ELAVL4: variants seen among roughly 807,000 people sequenced by gnomAD.
ELAVL4 encodes the protein ELAV like RNA binding protein 4.
A neutral mutation model predicts 35.6 loss-of-function variants in ELAVL4; 1 was observed. The ratio of observed to expected loss-of-function variants is 0.03; its 90% CI spans 0.01 to 0.13. The LOEUF is 0.13. Ranked by LOEUF, ELAVL4 falls within the 10% of genes least tolerant of loss-of-function variation. The probability of loss-of-function intolerance (pLI) is 1.00; values close to 1 mark genes in which losing one functional copy is unlikely to be tolerated. For missense variants in ELAVL4, 267 were observed against 464.9 expected (o/e 0.57, Z 3.91); for synonymous variants, 156 against 171.0 (o/e 0.91, Z 0.69).
intron 1 of ELAVL4, chr1:50,144,385 A>G: frequency 3.9e-6 from 1 of 258,702 alleles, no homozygotes. Context: ...AAGACATTAG[A>G]TGACTTTGCA....
At chr1:50,164,393 A>G (rs570112265) in intron 2 of ELAVL4, among the ~76,000 whole-genome samples, 5 of 152,218 alleles carry the variant, frequency 3.3e-5, no homozygotes, top group Non-Finnish European at 7.3e-5. Context: ...TTATCCTTTT[A>G]TAAAGGCAAA....
intron 1 of ELAVL4, among the ~76,000 whole-genome samples, chr1:50,083,225 A>G (rs767275742): frequency 1.1e-4 from 16 of 151,748 alleles, no homozygotes; most frequent in Non-Finnish European, 2.1e-4. Flanking sequence ...CCTGACTAAT[A>G]TTTTTTATTT....
chr1:50,161,179 G>A (rs1368269802), intron 2 of ELAVL4, among the ~76,000 whole-genome samples: 2 of 152,128 alleles, frequency 1.3e-5, no homozygotes, highest in Non-Finnish European at 2.9e-5. Context: ...TCATGTGAGA[G>A]TAAGCCAACC....
At chr1:50,185,534 T>C (rs1365062606) in intron 3 of ELAVL4, among the ~76,000 whole-genome samples, 1 of 152,204 alleles carries the variant, frequency 6.6e-6, no homozygotes, top group African/African-American at 2.4e-5. Flanking sequence ...CCAGTTTGTC[T>C]CTTAGTTCAG....
chr1:50,195,646 C>T lies in ELAVL4; in HGVS notation c.594C>T (p.Pro198=), dbSNP rs1398875262. 1 of 1,614,150 alleles carries T rather than the reference C, an allele frequency of 6.2e-7. No homozygotes were observed. The highest frequency in any genetic ancestry group is 2.2e-5 in the East Asian group (1 of 44,882). ...EAIKGLNGQK[P]SGATEPITVK... ...TCAAAGGGCTGAATGGCCAGAAGCC[C>T]AGCGGTGCTACGGAACCGATTACTG... The change falls in exon 5 of 7, where the codon CCC becomes CCT. Residue 198 remains proline (P), a synonymous_variant. Transcript: ENST00000371824.
intron 1 of ELAVL4, among the ~76,000 whole-genome samples, chr1:50,075,688 G>A (rs1664728003): frequency 1.3e-5 from 2 of 152,154 alleles, no homozygotes; most frequent in South Asian, 4.1e-4. Context: ...ACTTTACGAT[G>A]GTGTGAAAGC....
intron 1 of ELAVL4, among the ~76,000 whole-genome samples, chr1:50,124,600 G>A (rs934793983): frequency 6.6e-6 from 1 of 152,080 alleles, no homozygotes; most frequent in Non-Finnish European, 1.5e-5. Context: ...AGGAATTAAT[G>A]AGAAACATTT....
At position 50,079,962 on chromosome 1, in the gene ELAVL4, G is replaced by A. The variant is rs561152366; in HGVS notation, c.18+31780G>A. ...TTTTGTTATTAAGCTCATCTTAAACGTGCGTATGCCATCCTATTTTAAAAC... is the reference window on the plus strand; with the variant it reads ...TTTTGTTATTAAGCTCATCTTAAACATGCGTATGCCATCCTATTTTAAAAC... On this transcript the variant is annotated intron_variant, in intron 1 of 6. Coordinates refer to the ELAVL4 transcript ENST00000448907. 1.5e-4 allele frequency among the ~76,000 whole-genome samples: 23 copies of A among 152,134 alleles called. No homozygotes were observed. In the South Asian group the frequency reaches 3.7e-3, roughly 25 times the overall value.
intron 1 of ELAVL4, among the ~76,000 whole-genome samples, chr1:50,087,393 A>C (rs1384817476): frequency 6.6e-6 from 1 of 152,160 alleles, no homozygotes; most frequent in Non-Finnish European, 1.5e-5. Flanking sequence ...TTTTCTCACA[A>C]TCTTCAGAGG....
intron 1 of ELAVL4, among the ~76,000 whole-genome samples, chr1:50,131,633 CA>C (rs1314616251): frequency 6.6e-6 from 1 of 151,634 alleles, no homozygotes; most frequent in Admixed American, 6.6e-5. Flanking sequence ...ACTAAAAATA[CA>C]AAAAAATTAG....
At chr1:50,127,008 T>A (rs1670042225) in intron 1 of ELAVL4, among the ~76,000 whole-genome samples, 1 of 152,006 alleles carries the variant, frequency 6.6e-6, no homozygotes, top group South Asian at 2.1e-4. Context: ...GCTACACTCA[T>A]CTAAAATAAA....
chr1:50,118,514 G>A (rs1347920161), intron 1 of ELAVL4, among the ~76,000 whole-genome samples: 1 of 151,362 alleles, frequency 6.6e-6, no homozygotes, highest in Non-Finnish European at 1.5e-5. Context: ...GAGAGAGAGA[G>A]AAAAGAGGAA....
At chr1:50,128,855 G>T (rs1670390377) in intron 1 of ELAVL4, among the ~76,000 whole-genome samples, 1 of 152,080 alleles carries the variant, frequency 6.6e-6, no homozygotes, top group African/African-American at 2.4e-5. Context: ...GAAGATGGGA[G>T]TCAGTGACCA....
intron 1 of ELAVL4, among the ~76,000 whole-genome samples, chr1:50,137,758 G>A (rs1672127490): frequency 6.6e-6 from 1 of 152,112 alleles, no homozygotes; most frequent in African/African-American, 2.4e-5. Context: ...TATGAAAAGA[G>A]TGGTTTGGGA....
chr1:50,176,883 A>G (rs778751171), intron 2 of ELAVL4, among the ~76,000 whole-genome samples: 1 of 152,212 alleles, frequency 6.6e-6, no homozygotes, highest in Admixed American at 6.5e-5. Flanking sequence ...TTAATAGCCA[A>G]TGAGAGTGAG....
At chr1:50,059,251 C>T (rs1663835641) in intron 1 of ELAVL4, among the ~76,000 whole-genome samples, 1 of 152,144 alleles carries the variant, frequency 6.6e-6, no homozygotes, top group African/African-American at 2.4e-5. Flanking sequence ...TTAAAAAATA[C>T]TACACTAAAA....
chr1:50,159,670 C>T (rs908624887), intron 2 of ELAVL4, among the ~76,000 whole-genome samples: 3 of 152,100 alleles, frequency 2.0e-5, no homozygotes, highest in South Asian at 4.1e-4. Flanking sequence ...TGTGCTAACA[C>T]GACGTGAAAA....
intron 1 of ELAVL4, among the ~76,000 whole-genome samples, chr1:50,123,683 C>T (rs1669410132): frequency 6.6e-6 from 1 of 152,078 alleles, no homozygotes; most frequent in African/African-American, 2.4e-5. Flanking sequence ...CCTTTCCAGC[C>T]TCCCATCTTG....
chr1:50,198,688 T>C (rs1644211656), intron 6 of ELAVL4, among the ~76,000 whole-genome samples: 1 of 152,204 alleles, frequency 6.6e-6, no homozygotes, highest in Non-Finnish European at 1.5e-5. Context: ...GAGGTAGTGC[T>C]AAATGTTGTG....
Sources: gnomAD v4.1 joint callset for allele counts (sites outside exome capture counted in the v4.1 genomes callset) on GRCh38, gnomAD v4.1.1 for gene constraint, MANE v1.5 for transcripts, NCBI Gene and HGNC (gene_info 2026-07-23, HGNC 2026-07-21) for gene names.